Variants in DNASE1L1 observed in about 807,000 individuals in gnomAD.
The protein encoded by DNASE1L1 is deoxyribonuclease-1-like 1.
Under a neutral mutation model 18.6 loss-of-function variants are expected in DNASE1L1, and 8 were observed. The observed-to-expected ratio is 0.43, with a 90% CI of 0.25 to 0.78. The LOEUF (loss-of-function observed/expected upper bound fraction) is 0.78. Among genes scored for constraint, DNASE1L1 ranks in the 30% least tolerant of loss-of-function variants. DNASE1L1 has a pLI of 0.23. For missense variants in DNASE1L1, 214 were observed against 258.2 expected (o/e 0.83, Z 1.17); for synonymous variants, 114 against 114.2 (o/e 1.00, Z 0.01).
At chrX:154,408,622 A>G (rs186193122) in intron 1 of DNASE1L1, 1 of 112,386 alleles carries the variant, frequency 8.9e-6, no homozygotes, top group East Asian at 2.8e-4. Context: ...ATCCTGAGGC[A>G]TGAGTTCCTC....
chrX:154,402,281 A>C lies in DNASE1L1; in HGVS notation c.*426T>G. On this transcript the variant is annotated 3_prime_UTR_variant, in exon 8 of 8. Coordinates refer to ENST00000369807, the MANE Select transcript of DNASE1L1 (RefSeq NM_001303620.2). The stretch of plus-strand genomic sequence containing the variant: ...ACCCTCCTTGTAGCTATTGGGGCTT[A>C]ATGGTTTCCTGGTGATTCTTACCAA... 7.1e-6 allele frequency: 1 copy of C among 141,780 alleles called. No individual in the cohort carries two copies. Among genetic ancestry groups the C allele is most frequent in the Non-Finnish European group, 1.4e-5 (1 of 70,921 alleles). The allele number at this position is 141,780 out of a possible 1,213,427, so 11.7% of individuals were successfully genotyped here. A position where few individuals can be genotyped will look rare whatever the true frequency, so the allele number is the denominator to read the frequency against.
Position 154,405,015 on chromosome X carries a change from G to C in DNASE1L1, c.204C>G (p.Leu68=), listed in dbSNP as rs782480236. ...VVDSSGSAIP[L]LLRELNRFDG... is the part of the protein sequence containing the mutation. ...CTCACCGATTGAGTTCTCGAAGCAG[G>C]AGCGGGATGGCGCTGCCGGAAGAGT... The change falls in exon 3 of 8, where the codon CTC becomes CTG. Residue 68 remains leucine, a synonymous_variant. Coordinates refer to ENST00000369807, the MANE Select transcript of DNASE1L1 (RefSeq NM_001303620.2). The C allele has an allele frequency of 2.5e-6, 3 of 1,210,891 alleles. No homozygotes were observed. The Admixed American group carries it at 6.5e-5, about 26-fold the overall frequency.
intron 1 of DNASE1L1, among the ~76,000 whole-genome samples, chrX:154,406,178 G>T (rs2148161279): frequency 9.2e-6 from 1 of 109,193 alleles, no homozygotes; most frequent in East Asian, 2.9e-4. Flanking sequence ...CACCATGTTA[G>T]CCAGAATGGT....
In DNASE1L1 at chrX:154,405,663, A is replaced by C; in HGVS notation, c.-87-8T>G. 1.1e-6 allele frequency: 1 copy of C among 929,706 alleles called. No homozygotes were observed. Among genetic ancestry groups the C allele is most frequent in the South Asian group, 3.6e-5 (1 of 28,032 alleles). 76.6% of individuals were successfully genotyped at this position (929,706 alleles called of 1,213,427 possible). ...GTTCTGGCTCTGGAAGCGCTGAAAT[A>C]TGGAACAGAGAAAGTGGCACTAGCT... On this transcript the variant is annotated splice_region_variant and splice_polypyrimidine_tract_variant and intron_variant, in intron 1 of 7. Coordinates refer to ENST00000369807, the MANE Select transcript of DNASE1L1 (RefSeq NM_001303620.2).
chrX:154,412,072 T>G, upstream of DNASE1L1: 3 of 1,209,903 alleles, frequency 2.5e-6, no homozygotes, highest in South Asian at 5.3e-5. Context: ...GCCTGACTTC[T>G]CCTTCCCCGC....
chrX:154,405,882 T>C (rs1376106623), intron 1 of DNASE1L1, among the ~76,000 whole-genome samples: 3 of 109,652 alleles, frequency 2.7e-5, no homozygotes, highest in Non-Finnish European at 5.7e-5. Flanking sequence ...CAAAAAAAAG[T>C]GAAATCCTAC....
At chrX:154,403,415 C>T in intron 5 of DNASE1L1, 34 bp from the exon 6 acceptor site, 3 of 1,202,716 alleles carry the variant, frequency 2.5e-6, no homozygotes, top group Non-Finnish European at 3.4e-6. Flanking sequence ...CTGCCATCCA[C>T]TCCTGGACCT....
At chrX:154,412,053 G>A, upstream of DNASE1L1, 2 of 1,209,019 alleles carry the variant, frequency 1.7e-6, no homozygotes, top group Non-Finnish European at 2.2e-6. Context: ...TAGCGGGCGA[G>A]CCCGGAGCGC....
At chrX:154,404,273 C>T (rs782683540) in intron 4 of DNASE1L1, among the ~76,000 whole-genome samples, 216 of 109,022 alleles carry the variant, frequency 2.0e-3, no homozygotes, top group African/African-American at 7.0e-3. Context: ...CTGCTTCAGC[C>T]TCCCAAAGCG....
Position 154,405,655 on chromosome X carries a change from G to T in DNASE1L1, c.-87C>A, listed in dbSNP as rs931797238. ...TGGGCTCAGTTCTGGCTCTGGAAGC[G>T]CTGAAATATGGAACAGAGAAAGTGG... is the stretch of plus-strand genomic sequence containing the variant. On this transcript the variant is annotated splice_region_variant and 5_prime_UTR_variant, in exon 2 of 8. Coordinates refer to ENST00000369807, the MANE Select transcript of DNASE1L1 (RefSeq NM_001303620.2). The T allele has an allele frequency of 7.5e-6, 7 of 937,256 alleles. No individual in the cohort carries two copies. In the Middle Eastern group the frequency reaches 1.3e-3, roughly 177 times the overall value. The allele number at this position is 937,256 out of a possible 1,213,427, so 77.2% of individuals were successfully genotyped here. A position where few individuals can be genotyped will look rare whatever the true frequency, so the allele number is the denominator to read the frequency against.
intron 1 of DNASE1L1, among the ~76,000 whole-genome samples, chrX:154,406,368 G>GTTTTT (rs57476394): frequency 1.2e-5 from 1 of 84,767 alleles, no homozygotes; most frequent in Non-Finnish European, 2.2e-5. Flanking sequence ...CATCCATCTG[G>GTTTTT]TTTTTTTTTT....
rs12559 is a variant in DNASE1L1, at chrX:154,401,952, T to C, written c.*755A>G. On this transcript the variant is annotated 3_prime_UTR_variant, in exon 8 of 8. Transcript: ENST00000369807. ...GAGGATGGAAGGGAGGGGTCCGGCA[T>C]GCTGCTGGCATTTTGCTGTGTCCTG... The C allele has an allele frequency of 0.3, 33,775 of 111,106 alleles. 7,244 individuals carry two copies. Among genetic ancestry groups the C allele is most frequent in the African/African-American group, 0.77 (23,356 of 30,287 alleles). 9.2% of individuals were successfully genotyped at this position (111,106 alleles called of 1,213,427 possible). A position where few individuals can be genotyped will look rare whatever the true frequency, so the allele number is the denominator to read the frequency against.
In DNASE1L1 at chrX:154,402,992, T is replaced by TGTGCAGCAGACTCCGGCAGCGCTCCCC. The variant is rs2068074273; in HGVS notation, c.697_723dup (p.Gly233_His241dup). 3.3e-6 allele frequency: 4 copies of TGTGCAGCAGACTCCGGCAGCGCTCCCC among 1,209,715 alleles called. No individual in the cohort carries two copies. The Admixed American group carries it at 6.5e-5, about 20-fold the overall frequency. ...GTGGGGAAGTCAAAGGCAGCCGCAG[T>TGTGCAGCAGACTCCGGCAGCGCTCCCC]GTGCAGCAGACTCCGGCAGCGCTCC... On this transcript the variant is annotated inframe_insertion, in exon 7 of 8. Coordinates refer to ENST00000369807, the MANE Select transcript of DNASE1L1 (RefSeq NM_001303620.2).
At chrX:154,409,291 G>A, upstream of DNASE1L1, 1 of 247,664 alleles carries the variant, frequency 4.0e-6, no homozygotes. Context: ...TTGCCAACAG[G>A]CAGGCCCGCC....
rs782335950 is a variant in DNASE1L1, at chrX:154,403,364, A to G, written c.430T>C (p.Leu144=). 2 of 1,209,394 alleles carry G rather than the reference A, an allele frequency of 1.7e-6. No individual in the cohort carries two copies. Among genetic ancestry groups the G allele is most frequent in the East Asian group, 3.0e-5 (1 of 33,765 alleles). ...LPSNVLPSLV[L]VPLHTTPKAV... ...TTAGGAGTGGTGTGCAGCGGGACCAACACCAGGCTGGGAAGGACTGCAAGG... is the reference window on the plus strand; with the variant it reads ...TTAGGAGTGGTGTGCAGCGGGACCAGCACCAGGCTGGGAAGGACTGCAAGG... The change falls in exon 6 of 8, where the codon TTG becomes CTG. Residue 144 remains leucine, a synonymous_variant. Transcript: ENST00000369807.
Position 154,404,836 on chromosome X carries a change from G to A in DNASE1L1, c.303C>T (p.Tyr101=). 8.3e-7 allele frequency: 1 copy of A among 1,210,741 alleles called. No individual in the cohort carries two copies. Among genetic ancestry groups the A allele is most frequent in the Non-Finnish European group, 1.1e-6 (1 of 895,046 alleles). The stretch of plus-strand genomic sequence containing the variant: ...GCCAGCTCCGTGCTCACCGATAGAA[G>A]TACACATACGTCTCCATGTAGGTGC... ...GRSTYMETYV[Y]FYRSHKTQVL... Residue 101 remains tyrosine (Y), a synonymous_variant, in exon 4 of 8, where the codon TAC becomes TAT. Coordinates refer to ENST00000369807, the MANE Select transcript of DNASE1L1 (RefSeq NM_001303620.2).
At chrX:154,409,864 G>T (rs1424807626), upstream of DNASE1L1, 1 of 112,359 alleles carries the variant, frequency 8.9e-6, no homozygotes, top group Non-Finnish European at 1.9e-5. Flanking sequence ...AGGAGGTGGG[G>T]CTGAATCCAC....
chrX:154,402,585 G>C lies in DNASE1L1; in HGVS notation c.*122C>G. On this transcript the variant is annotated 3_prime_UTR_variant, in exon 8 of 8. Transcript: ENST00000369807. Reference sequence around the variant, plus strand: ...AGAGCCAAATCAAACAAGGCAGGCAGGGGTGGACTACAGTCACAGGGCAAC... The same window carrying C: ...AGAGCCAAATCAAACAAGGCAGGCACGGGTGGACTACAGTCACAGGGCAAC... 2 of 702,849 alleles carry C rather than the reference G, an allele frequency of 2.8e-6. No homozygotes were observed. Among genetic ancestry groups the C allele is most frequent in the Non-Finnish European group, 4.1e-6 (2 of 487,204 alleles). The allele number at this position is 702,849 out of a possible 1,213,427, so 57.9% of individuals were successfully genotyped here.
chrX:154,406,937 C>A (rs1004764976), intron 1 of DNASE1L1, among the ~76,000 whole-genome samples: 10 of 111,442 alleles, frequency 9.0e-5, no homozygotes, highest in Non-Finnish European at 1.5e-4. Context: ...AGTGGAATTG[C>A]TGGATCATAT....
Sources: gnomAD v4.1 joint callset for allele counts (sites outside exome capture counted in the v4.1 genomes callset) on GRCh38, gnomAD v4.1.1 for gene constraint, MANE v1.5 for transcripts, NCBI Gene and HGNC (gene_info 2026-07-23, HGNC 2026-07-21) for gene names.